The following COG3 variants were observed in gnomAD, a reference collection of about 807,000 sequenced individuals.
COG3 encodes the protein component of oligomeric golgi complex 3.
A neutral mutation model predicts 114.1 loss-of-function variants in COG3; 32 were observed. That is an observed-to-expected ratio of 0.28 (90% CI 0.21 to 0.38). COG3 has a LOEUF of 0.38. COG3 is among the 10% of genes least tolerant of loss of function. The pLI is 1.00. For synonymous variants in COG3, 352 were observed against 365.7 expected, an observed-to-expected ratio of 0.96 and a Z score of 0.43; for missense variants, 813 against 973.2, an observed-to-expected ratio of 0.84 and a Z score of 2.19.
At chr13:45,525,139 GT>G (rs1872550463) in intron 20 of COG3, 88 bp downstream of exon 20, 1 of 1,096,308 alleles carries the variant, frequency 9.1e-7, no homozygotes, top group African/African-American at 1.6e-5. Context: ...CTTGGAGTTG[GT>G]TTCCTATTCA....
At chr13:45,483,389 TATTG>T in intron 7 of COG3, 34 bp downstream of exon 7, 1 of 1,500,912 alleles carries the variant, frequency 6.7e-7, no homozygotes, top group Non-Finnish European at 8.9e-7. Flanking sequence ...AGGTTTTTGT[TATTG>T]TTGTTGTTTT....
rs1320592120 is a variant in COG3 at position 45,483,244 on chromosome 13, T to C, written c.732T>C (p.Asp244=). 1 of 1,582,384 alleles carries C rather than the reference T, an allele frequency of 6.3e-7. No individual in the cohort carries two copies. Among genetic ancestry groups the C allele is most frequent in the African/African-American group, 1.3e-5 (1 of 74,318 alleles). ...TYISSHPNFK[D]YPIYLLKFKQ... is the part of the protein sequence containing the mutation. Reference sequence around the variant, plus strand: ...TTTCCTTACAGCCTAATTTTAAAGATTATCCCATATATTTGCTGAAGTTTA... The same window carrying C: ...TTTCCTTACAGCCTAATTTTAAAGACTATCCCATATATTTGCTGAAGTTTA... The change falls in exon 7 of 23, where the codon GAT becomes GAC. Residue 244 remains aspartate, a synonymous_variant. Transcript: ENST00000349995.
rs182983184 is a variant in COG3 at position 45,501,322 on chromosome 13, G to T, written c.1489-1922G>T. 6.0e-4 allele frequency among the ~76,000 whole-genome samples: 92 copies of T among 152,190 alleles called. 1 individual carries two copies. Among genetic ancestry groups the T allele is most frequent in the Middle Eastern group, 6.8e-3 (2 of 294 alleles). ...TTGATTCAATCACTTACTGATGTCA[G>T]TGTGGACTTGGTCTCTTTTTCCAAT... On this transcript the variant is annotated intron_variant, in intron 13 of 22. Coordinates refer to ENST00000349995, the MANE Select transcript of COG3 (RefSeq NM_031431.4).
At chr13:45,511,573 C>T (rs1403781413) in intron 15 of COG3, among the ~76,000 whole-genome samples, 192 bp from the exon 16 acceptor site, 1 of 152,162 alleles carries the variant, frequency 6.6e-6, no homozygotes, top group East Asian at 1.9e-4. Flanking sequence ...GGGATGACTG[C>T]ATATTACATA....
Position 45,480,242 on chromosome 13 carries a change from T to C in COG3, c.501T>C (p.Asn167=), listed in dbSNP as rs753218301. 12 of 1,613,644 alleles carry C rather than the reference T, an allele frequency of 7.4e-6. No homozygotes were observed. The South Asian group carries it at 1.3e-4, about 18-fold the overall frequency. The change falls in exon 4 of 23, where the codon AAT becomes AAC. Residue 167 remains asparagine, a synonymous_variant. Coordinates refer to ENST00000349995, the MANE Select transcript of COG3 (RefSeq NM_031431.4). ...SLQKQYLFVS[N]KTGTLHEACE... ...AGAAACAGTATCTTTTTGTGTCCAA[T>C]AAGACAGGAACCCTACATGAAGCCT...
At chr13:45,465,232 G>C (rs374186273) in intron 1 of COG3, 22 bp downstream of exon 1, 2 of 1,610,482 alleles carry the variant, frequency 1.2e-6, no homozygotes, top group East Asian at 2.2e-5. Context: ...GGCAGGAACC[G>C]GGCCGGGGCG....
chr13:45,518,753 G>A lies in COG3; in HGVS notation c.1931-9G>A, dbSNP rs781286617. 53 of 1,606,124 alleles carry A rather than the reference G, an allele frequency of 3.3e-5. No individual in the cohort carries two copies. The highest frequency in any genetic ancestry group is 4.3e-5 in the Non-Finnish European group (50 of 1,175,178). On this transcript the variant is annotated splice_polypyrimidine_tract_variant and intron_variant, in intron 17 of 22. Coordinates refer to ENST00000349995, the MANE Select transcript of COG3 (RefSeq NM_031431.4). ...ACATGTTCACTGGATGAGTAATTTT[G>A]TTTCACAGATGCAGCATTTAAAATC... is the stretch of plus-strand genomic sequence containing the variant.
rs371320100 is a variant in COG3 at position 45,491,579 on chromosome 13, C to T, written c.1095+41C>T. On this transcript the variant is annotated intron_variant, in intron 10 of 22. Coordinates refer to ENST00000349995, the MANE Select transcript of COG3 (RefSeq NM_031431.4). The stretch of plus-strand genomic sequence containing the variant: ...TTTTGGTTTAATGTTAAATCTTCCT[C>T]TTGAGTTATGTTGATATCCTAGAAA... 1.1e-5 allele frequency: 17 copies of T among 1,591,064 alleles called. No homozygotes were observed. The Admixed American group carries it at 1.6e-4, about 15-fold the overall frequency.
At chr13:45,514,890 C>T (rs1445642891) in intron 16 of COG3, among the ~76,000 whole-genome samples, 2 of 151,974 alleles carry the variant, frequency 1.3e-5, no homozygotes, top group East Asian at 1.9e-4. Flanking sequence ...CCTCGTGATC[C>T]GACTGTCTCG....
intron 19 of COG3, among the ~76,000 whole-genome samples, chr13:45,520,319 A>G (rs1443291017): frequency 1.2e-4 from 5 of 42,626 alleles, no homozygotes; most frequent in African/African-American, 3.8e-4. Flanking sequence ...AAAAATAAAA[A>G]AAGAGAAAGA....
At chr13:45,516,052 G>A (rs1871505960) in intron 16 of COG3, 91 bp from the exon 17 acceptor site, 1 of 899,160 alleles carries the variant, frequency 1.1e-6, no homozygotes, top group African/African-American at 1.7e-5. Flanking sequence ...GTAAACCTAG[G>A]TAGATTAATG....
At chr13:45,481,070 G>A (rs1264859898) in intron 4 of COG3, among the ~76,000 whole-genome samples, 160 bp from the exon 5 acceptor site, 3 of 151,818 alleles carry the variant, frequency 2.0e-5, no homozygotes, top group Non-Finnish European at 2.9e-5. Flanking sequence ...TAATATTATC[G>A]CCCCTTTTAG....
chr13:45,514,402 C>G (rs986194345), intron 16 of COG3, among the ~76,000 whole-genome samples: 2 of 152,138 alleles, frequency 1.3e-5, no homozygotes, highest in African/African-American at 4.8e-5. Context: ...CTCAAGTGAT[C>G]CACCCGCCTT....
At chr13:45,494,018 A>AG (rs1049081114) in intron 12 of COG3, 2 of 152,270 alleles carry the variant, frequency 1.3e-5, no homozygotes, top group African/African-American at 2.4e-5. Context: ...AATAGTACCT[A>AG]GGTACCTTTA....
chr13:45,474,741 GA>G (rs1157569811), intron 1 of COG3, among the ~76,000 whole-genome samples: 1 of 152,118 alleles, frequency 6.6e-6, no homozygotes, highest in African/African-American at 2.4e-5. Flanking sequence ...GTTTTGAAGA[GA>G]AAATGCTATC....
intron 14 of COG3, among the ~76,000 whole-genome samples, chr13:45,503,651 G>A (rs1869796233): frequency 6.6e-6 from 1 of 152,282 alleles, no homozygotes; most frequent in South Asian, 2.1e-4. Flanking sequence ...TGTTTATGAA[G>A]AGTATGAGAG....
chr13:45,516,038 G>A, intron 16 of COG3, 105 bp from the exon 17 acceptor site: 1 of 762,392 alleles, frequency 1.3e-6, no homozygotes. Flanking sequence ...TGACACCATA[G>A]GCTGTAAACC....
At chr13:45,513,544 A>G (rs1255940673) in intron 16 of COG3, among the ~76,000 whole-genome samples, 2 of 141,990 alleles carry the variant, frequency 1.4e-5, no homozygotes, top group South Asian at 2.1e-4. Flanking sequence ...TAATATATAC[A>G]TATAAATTAT....
chr13:45,476,084 A>G (rs755128933), intron 1 of COG3, 117 bp from the exon 2 acceptor site: 51 of 913,844 alleles, frequency 5.6e-5, no homozygotes, highest in Non-Finnish European at 8.7e-5. Context: ...ACTTAATGTG[A>G]TTTAATGGAA....
Sources: gnomAD v4.1 joint callset for allele counts (sites outside exome capture counted in the v4.1 genomes callset) on GRCh38, gnomAD v4.1.1 for gene constraint, MANE v1.5 for transcripts, NCBI Gene and HGNC (gene_info 2026-07-23, HGNC 2026-07-21) for gene names.